The following CCSER1 variants were observed in gnomAD, a reference collection of about 807,000 sequenced individuals.
The protein encoded by CCSER1 is coiled-coil serine rich protein 1, also known as serine-rich coiled-coil domain-containing protein 1.
A neutral mutation model predicts 82.0 loss-of-function variants in CCSER1; 41 were observed. The observed-to-expected ratio is 0.50, with a 90% CI of 0.39 to 0.65. The LOEUF is 0.65. Ranked by LOEUF, CCSER1 falls within the 30% of genes least tolerant of loss-of-function variation. The pLI, the probability that CCSER1 is intolerant of heterozygous loss-of-function variation, is 0.00. For synonymous variants in CCSER1, 414 were observed against 383.9 expected (o/e 1.08, Z -0.92); for missense variants, 1,119 against 1,064.2 (o/e 1.05, Z -0.72).
At chr4:90,854,192 G>A (rs113472567) in intron 8 of CCSER1, among the ~76,000 whole-genome samples, 3,719 of 152,250 alleles carry the variant, frequency 0.024, 125 homozygotes, top group African/African-American at 0.077. Flanking sequence ...CGATGGTAAT[G>A]CAATATTTCA....
chr4:90,324,379 G>A (rs554107320), intron 3 of CCSER1, among the ~76,000 whole-genome samples: 19 of 142,668 alleles, frequency 1.3e-4, no homozygotes, highest in Admixed American at 3.5e-4. Flanking sequence ...GTGTGAGATG[G>A]TATCTCATTA....
chr4:91,552,358 C>T (rs751288728), intron 10 of CCSER1, among the ~76,000 whole-genome samples: 1 of 151,578 alleles, frequency 6.6e-6, no homozygotes, highest in Non-Finnish European at 1.5e-5. Context: ...CATTCTGAGG[C>T]CTGAGGATAC....
At chr4:90,580,607 G>A (rs987244823) in intron 5 of CCSER1, among the ~76,000 whole-genome samples, 1 of 152,214 alleles carries the variant, frequency 6.6e-6, no homozygotes, top group Non-Finnish European at 1.5e-5. Context: ...AGGGCTCAGA[G>A]CTCATTTCCT....
At chr4:90,687,524 G>A in intron 6 of CCSER1, among the ~76,000 whole-genome samples, 1 of 151,954 alleles carries the variant, frequency 6.6e-6, no homozygotes, top group East Asian at 1.9e-4. Context: ...CCTCAGCTGG[G>A]GTGAGAAGTT....
At chr4:91,223,143 TAAACA>T (rs1216791409) in intron 10 of CCSER1, among the ~76,000 whole-genome samples, 1 of 151,976 alleles carries the variant, frequency 6.6e-6, no homozygotes, top group Non-Finnish European at 1.5e-5. Flanking sequence ...TGAGTTTTGC[TAAACA>T]AAACAAAATG....
chr4:90,748,435 A>G (rs1747930566), intron 7 of CCSER1, among the ~76,000 whole-genome samples: 1 of 149,570 alleles, frequency 6.7e-6, no homozygotes, highest in South Asian at 2.1e-4. Flanking sequence ...CCAGTCTATC[A>G]TTGTTGGACA....
At chr4:90,635,814 A>G (rs777102099) in intron 6 of CCSER1, among the ~76,000 whole-genome samples, 1 of 151,920 alleles carries the variant, frequency 6.6e-6, no homozygotes. Flanking sequence ...GAGGTGATGT[A>G]TATAGCAATT....
At chr4:90,650,020 G>A (rs181846220) in intron 6 of CCSER1, among the ~76,000 whole-genome samples, 2 of 152,176 alleles carry the variant, frequency 1.3e-5, no homozygotes, top group Admixed American at 1.3e-4. Flanking sequence ...TTTAAGACCA[G>A]CTTGGCCAAC....
chr4:91,436,297 A>C (rs1314794632), intron 10 of CCSER1, among the ~76,000 whole-genome samples: 1 of 152,152 alleles, frequency 6.6e-6, no homozygotes, highest in African/African-American at 2.4e-5. Flanking sequence ...AATATATATA[A>C]ATCACACAGA....
At chr4:90,463,684 C>G (rs1326391824) in intron 4 of CCSER1, among the ~76,000 whole-genome samples, 2 of 151,860 alleles carry the variant, frequency 1.3e-5, no homozygotes, top group Non-Finnish European at 2.9e-5. Flanking sequence ...CTGCAATTTG[C>G]CAATTAATAG....
At chr4:90,196,484 G>C (rs964317250) in intron 1 of CCSER1, among the ~76,000 whole-genome samples, 2 of 151,974 alleles carry the variant, frequency 1.3e-5, no homozygotes, top group Non-Finnish European at 2.9e-5. Context: ...AAATACACAA[G>C]AGTATAAGGG....
At chr4:90,160,650 A>G (rs1225813912) in intron 1 of CCSER1, among the ~76,000 whole-genome samples, 1 of 152,176 alleles carries the variant, frequency 6.6e-6, no homozygotes, top group Non-Finnish European at 1.5e-5. Context: ...GATGCTATTT[A>G]TATTTGGAGA....
intron 8 of CCSER1, among the ~76,000 whole-genome samples, chr4:90,916,751 T>C (rs1477821738): frequency 1.3e-5 from 2 of 152,062 alleles, no homozygotes; most frequent in African/African-American, 2.4e-5. Flanking sequence ...AGAAAATTTT[T>C]GCAATCTACT....
intron 8 of CCSER1, among the ~76,000 whole-genome samples, chr4:90,870,642 G>A (rs373800098): frequency 2.0e-5 from 3 of 151,724 alleles, no homozygotes; most frequent in African/African-American, 7.2e-5. Context: ...TTGGCCTGTA[G>A]TTTTCTTTTT....
chr4:90,269,193 A>C (rs1478028331), intron 1 of CCSER1, among the ~76,000 whole-genome samples: 1 of 152,114 alleles, frequency 6.6e-6, no homozygotes. Context: ...GACTTAATAG[A>C]CTTTTACAGA....
chr4:90,725,023 A>G (rs901992604), intron 7 of CCSER1: 1 of 441,020 alleles, frequency 2.3e-6, no homozygotes, highest in East Asian at 7.0e-5. Context: ...TATTTGTTAG[A>G]AGGCCCTTTC....
chr4:91,479,266 A>T (rs933026381), intron 10 of CCSER1, among the ~76,000 whole-genome samples: 3 of 151,866 alleles, frequency 2.0e-5, no homozygotes, highest in African/African-American at 7.2e-5. Flanking sequence ...AACTATTTAA[A>T]TATAAAAAGC....
intron 5 of CCSER1, among the ~76,000 whole-genome samples, chr4:90,536,452 T>C (rs1404660527): frequency 6.6e-6 from 1 of 152,206 alleles, no homozygotes; most frequent in Non-Finnish European, 1.5e-5. Flanking sequence ...GAGAAAAACA[T>C]ACTCATGGCT....
intron 10 of CCSER1, among the ~76,000 whole-genome samples, chr4:91,405,653 C>A (rs567374046): frequency 1.3e-5 from 2 of 152,282 alleles, no homozygotes; most frequent in Admixed American, 1.3e-4. Flanking sequence ...GAGCCTGGCT[C>A]CGTGGCATTG....
Sources: allele counts gnomAD v4.1 joint callset (sites outside exome capture counted in the v4.1 genomes callset), GRCh38; gene constraint gnomAD v4.1.1; transcripts MANE v1.5; gene names NCBI Gene and HGNC (gene_info 2026-07-23, HGNC 2026-07-21).